ST3GAL2: variants seen among roughly 807,000 people sequenced by gnomAD.
ST3GAL2 encodes the protein ST3 beta-galactoside alpha-2,3-sialyltransferase 2.
A neutral mutation model predicts 37.5 loss-of-function variants in ST3GAL2; 16 were observed. That is an observed-to-expected ratio of 0.43 (90% confidence interval 0.29 to 0.65). The LOEUF is 0.65. ST3GAL2 is among the 30% of genes least tolerant of loss of function. ST3GAL2 has a pLI of 0.17. For missense variants in ST3GAL2, 383 were observed against 487.8 expected (o/e 0.79, Z 2.02); for synonymous variants, 238 against 202.9 (o/e 1.17, Z -1.47).
In ST3GAL2 at chr16:70,399,414, C is replaced by T; in HGVS notation, c.-884G>A. The T allele has an allele frequency of 2.5e-6, 1 of 398,830 alleles. No homozygotes were observed. Among genetic ancestry groups the T allele is most frequent in the Admixed American group, 4.4e-5 (1 of 22,742 alleles). 24.7% of individuals were successfully genotyped at this position (398,830 alleles called of 1,614,324 possible). ...GGTCCAGGTCTCCTTCCTAATACTC[C>T]TGGCCCAGGTTCTGCCCATCCCCAC... On this transcript the variant is annotated 5_prime_UTR_variant, in exon 2 of 7. Coordinates refer to ENST00000342907, the MANE Select transcript of ST3GAL2 (RefSeq NM_006927.4).
At chr16:70,409,385 C>G (rs190186380) in intron 1 of ST3GAL2, among the ~76,000 whole-genome samples, 6 of 152,048 alleles carry the variant, frequency 3.9e-5, no homozygotes, top group African/African-American at 1.4e-4. Flanking sequence ...CTCTTATTGC[C>G]CAGACTGGAG....
At chr16:70,382,368 C>T (rs1226456149) in intron 6 of ST3GAL2, among the ~76,000 whole-genome samples, 2 of 152,052 alleles carry the variant, frequency 1.3e-5, no homozygotes, top group African/African-American at 2.4e-5. Flanking sequence ...CTGCAACCTA[C>T]GCCTCCTGGG....
intron 4 of ST3GAL2, among the ~76,000 whole-genome samples, chr16:70,384,398 A>G (rs556805307): frequency 6.6e-6 from 1 of 152,350 alleles, no homozygotes; most frequent in South Asian, 2.1e-4. Flanking sequence ...TCCCACTTAC[A>G]TGAGGCATAA....
In ST3GAL2 at chr16:70,426,117, G is replaced by C. The variant is rs149532673; in HGVS notation, c.-1004+12832C>G. On this transcript the variant is annotated intron_variant, in intron 1 of 6. Coordinates refer to ENST00000342907, the MANE Select transcript of ST3GAL2 (RefSeq NM_006927.4). Reference sequence around the variant, plus strand: ...AAGAACATGACCGTCAATATAGAACGTAACAGGAAGTTAGGATCCTACGTT... The same window carrying C: ...AAGAACATGACCGTCAATATAGAACCTAACAGGAAGTTAGGATCCTACGTT... Among the ~76,000 whole-genome samples, 105 of 150,254 alleles carry C rather than the reference G, an allele frequency of 7.0e-4. 1 individual carries two copies. The highest frequency in any genetic ancestry group is 2.3e-3 in the African/African-American group (94 of 40,946).
intron 1 of ST3GAL2, among the ~76,000 whole-genome samples, chr16:70,422,770 C>A (rs934641248): frequency 2.6e-5 from 4 of 152,182 alleles, no homozygotes; most frequent in Non-Finnish European, 5.9e-5. Flanking sequence ...CTGTGTAAGA[C>A]TGAACTGAGG....
In ST3GAL2 at chr16:70,395,170, C is replaced by T. The variant is rs1364872785; in HGVS notation, c.345G>A (p.Leu115=). 1.9e-6 allele frequency: 3 copies of T among 1,597,482 alleles called. No individual in the cohort carries two copies. Among genetic ancestry groups the T allele is most frequent in the Non-Finnish European group, 2.6e-6 (3 of 1,170,986 alleles). ...TGTTGTGTGACTTGAACTGGGGCTG[C>T]AGCATCTGTGGAAGGGAGGGGAAGA... ...PPDVQRWWMM[L]QPQFKSHNTN... Residue 115 remains leucine (L), a synonymous_variant, in exon 3 of 7, where the codon CTG becomes CTA. Transcript: ENST00000342907.
chr16:70,383,604 A>G (rs2151656243), intron 4 of ST3GAL2, among the ~76,000 whole-genome samples: 1 of 151,356 alleles, frequency 6.6e-6, no homozygotes, highest in Middle Eastern at 3.4e-3. Context: ...GGGGAAGGGA[A>G]AGGGAAGGAA....
In ST3GAL2 at chr16:70,407,298, G is replaced by A. The variant is rs188847780; in HGVS notation, c.-1003-7765C>T. 2.8e-4 allele frequency among the ~76,000 whole-genome samples: 42 copies of A among 152,054 alleles called. 1 individual carries two copies. The East Asian group carries it at 7.5e-3, about 27-fold the overall frequency. ...TGGCACTATAGGCCCGTGCCACCAC[G>A]CCCAGCTAATTTTTGTATTTTCAAC... On this transcript the variant is annotated intron_variant, in intron 1 of 6. Transcript: ENST00000342907.
rs779408218 is a variant in ST3GAL2, at chr16:70,430,966, G to GT, written c.-1004+7982dup. On this transcript the variant is annotated intron_variant, in intron 1 of 6. Transcript: ENST00000342907. ...CTGCATCAAATCGCTGGTGCTTTGTGTTTAACTGAACTTGGGTAGGAACAA... is the reference window on the plus strand; with the variant it reads ...CTGCATCAAATCGCTGGTGCTTTGTGTTTTAACTGAACTTGGGTAGGAACAA... 1.1e-4 allele frequency among the ~76,000 whole-genome samples: 17 copies of GT among 152,080 alleles called. No individual in the cohort carries two copies. In the East Asian group the frequency reaches 3.3e-3, roughly 29 times the overall value.
Position 70,386,940 on chromosome 16 carries a change from G to A in ST3GAL2, c.713+1427C>T, listed in dbSNP as rs533174270. ...ATTACATGCGTGAGCCGCAGTGCCCGGCCATGAAAATGTTTTAAAATTAAT... is the reference window on the plus strand; with the variant it reads ...ATTACATGCGTGAGCCGCAGTGCCCAGCCATGAAAATGTTTTAAAATTAAT... On this transcript the variant is annotated intron_variant, in intron 4 of 6. Coordinates refer to ENST00000342907, the MANE Select transcript of ST3GAL2 (RefSeq NM_006927.4). Among the ~76,000 whole-genome samples the A allele has an allele frequency of 1.2e-3, 186 of 150,670 alleles. 1 individual carries two copies. Among genetic ancestry groups the A allele is most frequent in the Non-Finnish European group, 1.9e-3 (132 of 67,750 alleles).
intron 3 of ST3GAL2, among the ~76,000 whole-genome samples, chr16:70,394,568 G>A (rs913103032): frequency 1.3e-5 from 2 of 152,128 alleles, no homozygotes; most frequent in Non-Finnish European, 2.9e-5. Flanking sequence ...TGTAGACACA[G>A]GGTTTCGCCA....
intron 1 of ST3GAL2, among the ~76,000 whole-genome samples, chr16:70,411,071 C>A (rs1429157718): frequency 6.6e-6 from 1 of 152,030 alleles, no homozygotes; most frequent in East Asian, 1.9e-4. Flanking sequence ...GTGTTAGGGC[C>A]ATCTTGGAAA....
chr16:70,431,157 C>G (rs906878423), intron 1 of ST3GAL2, among the ~76,000 whole-genome samples: 1 of 152,064 alleles, frequency 6.6e-6, no homozygotes, highest in South Asian at 2.1e-4. Context: ...AATCTCCTGA[C>G]GTGTGCCTCT....
intron 1 of ST3GAL2, among the ~76,000 whole-genome samples, chr16:70,417,760 G>A (rs1355325531): frequency 6.6e-6 from 1 of 152,050 alleles, no homozygotes; most frequent in East Asian, 1.9e-4. Flanking sequence ...AATAAACGGT[G>A]GACCAGGGGA....
At chr16:70,385,445 A>G (rs1035371802) in intron 4 of ST3GAL2, among the ~76,000 whole-genome samples, 1 of 152,140 alleles carries the variant, frequency 6.6e-6, no homozygotes, top group African/African-American at 2.4e-5. Context: ...AACGTTCTGG[A>G]AATGGAGAGT....
In ST3GAL2 at chr16:70,398,896, C is replaced by T; in HGVS notation, c.-366G>A. 2.1e-6 allele frequency: 1 copy of T among 465,670 alleles called. No homozygotes were observed. The highest frequency in any genetic ancestry group is 3.8e-6 in the Non-Finnish European group (1 of 265,854). The allele number at this position is 465,670 out of a possible 1,614,324, so 28.8% of individuals were successfully genotyped here. On this transcript the variant is annotated 5_prime_UTR_variant, in exon 2 of 7. Transcript: ENST00000342907. ...GCTGGCTGCCAGCTCTAGGGGTCCCCCTCTTTGGCGGCTTGAAATAATCCA... is the reference window on the plus strand; with the variant it reads ...GCTGGCTGCCAGCTCTAGGGGTCCCTCTCTTTGGCGGCTTGAAATAATCCA...
intron 3 of ST3GAL2, among the ~76,000 whole-genome samples, chr16:70,389,621 C>T (rs916628077): frequency 2.0e-5 from 3 of 151,988 alleles, no homozygotes; most frequent in Admixed American, 6.6e-5. Flanking sequence ...TTAGCCGCTA[C>T]GTCCAGCTAA....
chr16:70,429,455 T>C (rs2047773383), intron 1 of ST3GAL2, among the ~76,000 whole-genome samples: 1 of 151,524 alleles, frequency 6.6e-6, no homozygotes, highest in Non-Finnish European at 1.5e-5. Flanking sequence ...TAGCCGGGCG[T>C]AGTGGCAGAT....
intron 1 of ST3GAL2, among the ~76,000 whole-genome samples, chr16:70,406,821 G>A (rs2047595725): frequency 6.6e-6 from 1 of 152,110 alleles, no homozygotes; most frequent in African/African-American, 2.4e-5. Flanking sequence ...GTGGAATGTG[G>A]AATGGGATTC....
Sources: allele counts gnomAD v4.1 joint callset (sites outside exome capture counted in the v4.1 genomes callset), GRCh38; gene constraint gnomAD v4.1.1; transcripts MANE v1.5; gene names NCBI Gene and HGNC (gene_info 2026-07-23, HGNC 2026-07-21).